Variants in ZBTB20 observed in about 807,000 individuals in gnomAD.
The protein encoded by ZBTB20 is zinc finger and BTB domain-containing protein 20.
Under a neutral mutation model 56.9 loss-of-function variants are expected in ZBTB20, and 9 were observed. The ratio of observed to expected loss-of-function variants is 0.16; its 90% CI spans 0.10 to 0.28. The LOEUF is 0.28. Among genes scored for constraint, ZBTB20 ranks in the 10% least tolerant of loss-of-function variants. The pLI is 1.00. For synonymous variants in ZBTB20, 417 were observed against 420.7 expected, an observed-to-expected ratio of 0.99 and a Z score of 0.11; for missense variants, 655 against 1,003.0, an observed-to-expected ratio of 0.65 and a Z score of 4.69.
chr3:115,065,626 A>C (rs2082179762), intron 2 of ZBTB20, among the ~76,000 whole-genome samples: 1 of 152,200 alleles, frequency 6.6e-6, no homozygotes, highest in African/African-American at 2.4e-5. Flanking sequence ...AAATTTCCTG[A>C]AGATGTTAAT....
intron 2 of ZBTB20, among the ~76,000 whole-genome samples, chr3:115,041,035 G>A (rs781610412): frequency 1.2e-4 from 18 of 152,074 alleles, no homozygotes; most frequent in Non-Finnish European, 2.1e-4. Flanking sequence ...AGGGGAACAC[G>A]CATTTTTTAA....
intron 4 of ZBTB20, among the ~76,000 whole-genome samples, chr3:114,803,948 G>T (rs1473096195): frequency 6.6e-6 from 1 of 151,738 alleles, no homozygotes; most frequent in East Asian, 1.9e-4. Flanking sequence ...TATTAAAATT[G>T]ACCACCAGTG....
At chr3:114,845,833 G>A (rs114612001) in intron 4 of ZBTB20, among the ~76,000 whole-genome samples, 1,741 of 152,126 alleles carry the variant, frequency 0.011, 34 homozygotes, top group African/African-American at 0.039. Flanking sequence ...ACACTAAATT[G>A]GGCAGTGATT....
intron 10 of ZBTB20, among the ~76,000 whole-genome samples, chr3:114,360,810 A>C (rs1390873683): frequency 1.3e-5 from 2 of 152,160 alleles, no homozygotes; most frequent in African/African-American, 4.8e-5. Context: ...GGCTAGGTTA[A>C]GAGAGTAGCT....
intron 6 of ZBTB20, among the ~76,000 whole-genome samples, chr3:114,686,709 A>AACCACAAG (rs1468935642): frequency 6.6e-6 from 1 of 152,044 alleles, no homozygotes; most frequent in African/African-American, 2.4e-5. Context: ...ATCCTCGAAA[A>AACCACAAG]ACCACAAGAC....
intron 7 of ZBTB20, among the ~76,000 whole-genome samples, chr3:114,492,280 A>G (rs1439441962): frequency 6.6e-6 from 1 of 152,186 alleles, no homozygotes; most frequent in Admixed American, 6.5e-5. Context: ...TCTGAATTCC[A>G]GTTTTATGTA....
intron 3 of ZBTB20, among the ~76,000 whole-genome samples, chr3:114,969,383 T>C (rs1354112844): frequency 6.6e-6 from 1 of 152,158 alleles, no homozygotes; most frequent in African/African-American, 2.4e-5. Flanking sequence ...ACATCGATCC[T>C]TGAAACCAAA....
intron 1 of ZBTB20, among the ~76,000 whole-genome samples, chr3:115,101,820 C>CA (rs1475288609): frequency 6.6e-6 from 1 of 152,038 alleles, no homozygotes; most frequent in African/African-American, 2.4e-5. Flanking sequence ...TAACATGCTT[C>CA]AAAAATTAGA....
chr3:114,646,444 C>G (rs1388370527), intron 6 of ZBTB20, among the ~76,000 whole-genome samples: 1 of 152,078 alleles, frequency 6.6e-6, no homozygotes, highest in African/African-American at 2.4e-5. Flanking sequence ...AAAAATGGAG[C>G]AGCAGTGAGT....
At chr3:114,495,698 G>GA (rs968011437) in intron 7 of ZBTB20, among the ~76,000 whole-genome samples, 46 of 148,130 alleles carry the variant, frequency 3.1e-4, no homozygotes, top group African/African-American at 9.9e-4. Flanking sequence ...TCAAAAGATT[G>GA]AAAAAAAAAT....
At chr3:114,554,309 A>G (rs1291409644) in intron 6 of ZBTB20, among the ~76,000 whole-genome samples, 1 of 152,158 alleles carries the variant, frequency 6.6e-6, no homozygotes, top group East Asian at 1.9e-4. Context: ...TTGTAAGGAG[A>G]TGAGGTAATA....
At chr3:114,458,410 G>T (rs1576867751) in intron 7 of ZBTB20, among the ~76,000 whole-genome samples, 1 of 152,068 alleles carries the variant, frequency 6.6e-6, no homozygotes, top group African/African-American at 2.4e-5. Flanking sequence ...ATGGGCAAAA[G>T]AATTAAAGTC....
chr3:114,496,736 T>C (rs1021600642), intron 7 of ZBTB20, among the ~76,000 whole-genome samples: 6 of 152,208 alleles, frequency 3.9e-5, no homozygotes, highest in African/African-American at 1.2e-4. Flanking sequence ...TGTGCATAAG[T>C]TGCAATTCAG....
chr3:115,022,869 T>C (rs1250546423), intron 2 of ZBTB20, among the ~76,000 whole-genome samples: 2 of 150,992 alleles, frequency 1.3e-5, no homozygotes, highest in Non-Finnish European at 3.0e-5. Flanking sequence ...ACAAGGATAT[T>C]TGGATGTTTA....
intron 4 of ZBTB20, among the ~76,000 whole-genome samples, chr3:114,859,155 C>CCT (rs10651178): frequency 0.97 from 147,807 of 152,120 alleles, 71,971 homozygotes; most frequent in East Asian, 1. Context: ...GAGAATTCTT[C>CCT]CTCTCCCTTC....
intron 3 of ZBTB20, among the ~76,000 whole-genome samples, chr3:114,922,015 G>T (rs1409578419): frequency 1.3e-5 from 2 of 152,112 alleles, no homozygotes; most frequent in Non-Finnish European, 2.9e-5. Context: ...ATGATCAGGT[G>T]GGATTTATCT....
At chr3:114,375,659 C>T (rs1057399966) in intron 10 of ZBTB20, 1 of 152,230 alleles carries the variant, frequency 6.6e-6, no homozygotes, top group South Asian at 2.1e-4. Context: ...CCTTTGTCTA[C>T]ACCCACTTAG....
At chr3:114,754,283 A>T (rs1455635085) in intron 5 of ZBTB20, among the ~76,000 whole-genome samples, 2 of 152,154 alleles carry the variant, frequency 1.3e-5, no homozygotes, top group Admixed American at 6.5e-5. Context: ...TCACTCACAC[A>T]CATTTCTCTT....
intron 8 of ZBTB20, among the ~76,000 whole-genome samples, chr3:114,382,223 C>T (rs2084451954): frequency 6.6e-6 from 1 of 152,190 alleles, no homozygotes; most frequent in African/African-American, 2.4e-5. Flanking sequence ...TGTTTCCATT[C>T]CAATTTCACT....
Sources: allele counts gnomAD v4.1 joint callset (sites outside exome capture counted in the v4.1 genomes callset), GRCh38; gene constraint gnomAD v4.1.1; transcripts MANE v1.5; gene names NCBI Gene and HGNC (gene_info 2026-07-23, HGNC 2026-07-21).